Variants in SMYD3 observed in about 807,000 individuals in gnomAD.
SMYD3 encodes SET and MYND domain containing 3, also known as histone-lysine N-methyltransferase SMYD3.
SMYD3 carries 36 observed loss-of-function variants against 57.7 expected under a neutral mutation model. The observed-to-expected ratio is 0.62, with a 90% CI of 0.48 to 0.82. The LOEUF (loss-of-function observed/expected upper bound fraction) is 0.82. SMYD3 is among the 40% of genes least tolerant of loss of function. The pLI is 0.00. For synonymous variants in SMYD3, 211 were observed against 195.0 expected, an observed-to-expected ratio of 1.08 and a Z score of -0.68; for missense variants, 515 against 538.8, an observed-to-expected ratio of 0.96 and a Z score of 0.44.
At chr1:246,406,479 C>T (rs2066867992) in intron 1 of SMYD3, among the ~76,000 whole-genome samples, 1 of 152,194 alleles carries the variant, frequency 6.6e-6, no homozygotes, top group Admixed American at 6.5e-5. Flanking sequence ...TGATCTGTTT[C>T]ATCTTCAGCC....
At chr1:246,326,412 A>G (rs1008695617) in intron 5 of SMYD3, 2 of 693,630 alleles carry the variant, frequency 2.9e-6, no homozygotes, top group African/African-American at 1.8e-5. Context: ...AAGAAAAAAA[A>G]AAATCAATCA....
chr1:246,091,492 C>CAA (rs35295300), intron 5 of SMYD3, among the ~76,000 whole-genome samples: 1 of 124,402 alleles, frequency 8.0e-6, no homozygotes, highest in Non-Finnish European at 1.6e-5. Flanking sequence ...AACCTCAGCA[C>CAA]AAAAAAAAAA....
intron 5 of SMYD3, among the ~76,000 whole-genome samples, chr1:246,037,437 C>T (rs1179607484): frequency 6.6e-6 from 1 of 152,182 alleles, no homozygotes; most frequent in African/African-American, 2.4e-5. Context: ...TGGACTCCCT[C>T]CTCTGATAAC....
At chr1:246,457,294 A>G (rs1216211068) in intron 1 of SMYD3, among the ~76,000 whole-genome samples, 1 of 152,016 alleles carries the variant, frequency 6.6e-6, no homozygotes, top group Non-Finnish European at 1.5e-5. Context: ...CTCTCAGGTG[A>G]CTCTTAGAAA....
intron 5 of SMYD3, among the ~76,000 whole-genome samples, chr1:246,160,978 C>T (rs2062109214): frequency 6.6e-6 from 1 of 152,172 alleles, no homozygotes; most frequent in Non-Finnish European, 1.5e-5. Context: ...CTCCTCTCGC[C>T]CTGAACATTA....
intron 5 of SMYD3, among the ~76,000 whole-genome samples, chr1:246,236,767 C>T (rs1235075778): frequency 6.6e-6 from 1 of 152,182 alleles, no homozygotes; most frequent in Non-Finnish European, 1.5e-5. Context: ...CCACCTCAGC[C>T]TCCCAAAGTG....
intron 5 of SMYD3, among the ~76,000 whole-genome samples, chr1:246,269,319 T>A (rs548297349): frequency 6.6e-6 from 1 of 152,204 alleles, no homozygotes; most frequent in Non-Finnish European, 1.5e-5. Context: ...AGTTATCACT[T>A]TATAAGAATG....
chr1:246,439,426 G>A (rs1279191412), intron 1 of SMYD3, among the ~76,000 whole-genome samples: 1 of 152,164 alleles, frequency 6.6e-6, no homozygotes, highest in Non-Finnish European at 1.5e-5. Flanking sequence ...ATACTTCCCA[G>A]GAGGCCAATG....
intron 6 of SMYD3, among the ~76,000 whole-genome samples, chr1:245,928,497 C>T (rs947529042): frequency 6.2e-5 from 8 of 129,024 alleles, no homozygotes; most frequent in African/African-American, 2.3e-4. Context: ...CATGGTGAAA[C>T]CCTGTCCCTA....
intron 5 of SMYD3, among the ~76,000 whole-genome samples, chr1:246,046,121 C>G (rs572451871): frequency 6.6e-6 from 1 of 152,326 alleles, no homozygotes; most frequent in African/African-American, 2.4e-5. Context: ...AATCCCATTA[C>G]TGGGTATATA....
chr1:246,487,985 C>T (rs115960311), intron 1 of SMYD3, among the ~76,000 whole-genome samples: 2,461 of 152,244 alleles, frequency 0.016, 31 homozygotes, highest in Non-Finnish European at 0.024. Flanking sequence ...TGAGCCACCA[C>T]GCCTGGCCCT....
chr1:245,768,096 C>T (rs766122061), intron 10 of SMYD3, among the ~76,000 whole-genome samples: 3 of 152,186 alleles, frequency 2.0e-5, no homozygotes, highest in Non-Finnish European at 2.9e-5. Flanking sequence ...CAAAAACATA[C>T]AAGCAAACTA....
chr1:246,131,476 G>C (rs571687073), intron 5 of SMYD3, among the ~76,000 whole-genome samples: 21 of 152,254 alleles, frequency 1.4e-4, no homozygotes, highest in African/African-American at 4.3e-4. Flanking sequence ...TATTCATAAG[G>C]CTGACCATGC....
At chr1:246,046,726 T>C (rs2059972829) in intron 5 of SMYD3, among the ~76,000 whole-genome samples, 1 of 149,924 alleles carries the variant, frequency 6.7e-6, no homozygotes, top group Non-Finnish European at 1.5e-5. Context: ...TAGCAGGTGA[T>C]CTTTATTTAC....
intron 10 of SMYD3, among the ~76,000 whole-genome samples, chr1:245,842,626 T>A (rs1477999680): frequency 2.6e-5 from 4 of 152,228 alleles, no homozygotes; most frequent in South Asian, 4.1e-4. Flanking sequence ...TATATCCAGA[T>A]GCCATACTTC....
intron 5 of SMYD3, among the ~76,000 whole-genome samples, chr1:245,963,997 CAAAGA>C (rs2058076410): frequency 6.6e-6 from 1 of 152,232 alleles, no homozygotes; most frequent in South Asian, 2.1e-4. Context: ...GGCTAATTTT[CAAAGA>C]AAAGAGATTT....
chr1:246,142,520 C>T (rs539133153), intron 5 of SMYD3, among the ~76,000 whole-genome samples: 321 of 152,228 alleles, frequency 2.1e-3, no homozygotes, highest in Admixed American at 2.9e-3. Context: ...GACTGCAATA[C>T]TCCATCTGAT....
chr1:245,878,756 A>C (rs1163614968), intron 8 of SMYD3, among the ~76,000 whole-genome samples: 1 of 152,198 alleles, frequency 6.6e-6, no homozygotes, highest in Non-Finnish European at 1.5e-5. Context: ...TCACAGCCCC[A>C]TTGCATTACA....
At chr1:245,769,733 G>T (rs536284828) in intron 10 of SMYD3, among the ~76,000 whole-genome samples, 2 of 152,298 alleles carry the variant, frequency 1.3e-5, no homozygotes, top group Admixed American at 6.5e-5. Flanking sequence ...ACTGAGGTAC[G>T]TATGAATTAA....
Sources: allele counts gnomAD v4.1 joint callset (sites outside exome capture counted in the v4.1 genomes callset), GRCh38; gene constraint gnomAD v4.1.1; transcripts MANE v1.5; gene names NCBI Gene and HGNC (gene_info 2026-07-23, HGNC 2026-07-21).